The following SGCZ variants were observed in gnomAD, a reference collection of about 807,000 sequenced individuals.
The protein encoded by SGCZ is sarcoglycan zeta.
A neutral mutation model predicts 41.3 loss-of-function variants in SGCZ; 40 were observed. The observed-to-expected ratio is 0.97, with a 90% CI of 0.75 to 1.26. The LOEUF is 1.26. Among genes scored for constraint, SGCZ ranks in the 50% most tolerant of loss-of-function variants. SGCZ has a pLI of 0.00. For synonymous variants in SGCZ, 206 were observed against 137.5 expected, an observed-to-expected ratio of 1.50 and a Z score of -3.49; for missense variants, 552 against 369.8, an observed-to-expected ratio of 1.49 and a Z score of -4.04.
intron 2 of SGCZ, among the ~76,000 whole-genome samples, chr8:14,350,264 G>C (rs1803041281): frequency 6.6e-6 from 1 of 150,812 alleles, no homozygotes; most frequent in Non-Finnish European, 1.5e-5. Context: ...TTTTACCTAA[G>C]TATGCTTTTT....
At chr8:14,854,092 T>C (rs893228251) in intron 1 of SGCZ, among the ~76,000 whole-genome samples, 2 of 146,266 alleles carry the variant, frequency 1.4e-5, no homozygotes, top group East Asian at 4.0e-4. Flanking sequence ...ATATACTCTG[T>C]CTAAAGCTAC....
At chr8:14,660,772 A>T (rs1174303334) in intron 1 of SGCZ, among the ~76,000 whole-genome samples, 3 of 152,000 alleles carry the variant, frequency 2.0e-5, no homozygotes, top group African/African-American at 7.2e-5. Context: ...CAAAATAAAG[A>T]AGAAACTGGA....
intron 1 of SGCZ, among the ~76,000 whole-genome samples, chr8:15,199,808 T>C (rs1376073405): frequency 2.0e-5 from 3 of 152,288 alleles, no homozygotes; most frequent in East Asian, 3.9e-4. Context: ...ATGAAACCTA[T>C]ACTGTATTAA....
At chr8:15,078,041 C>T (rs1443507655) in intron 1 of SGCZ, among the ~76,000 whole-genome samples, 1 of 151,784 alleles carries the variant, frequency 6.6e-6, no homozygotes, top group East Asian at 1.9e-4. Flanking sequence ...GGGATAGAGC[C>T]ACCAGGAATT....
At chr8:14,415,098 A>G (rs1026406587) in intron 2 of SGCZ, among the ~76,000 whole-genome samples, 2 of 151,906 alleles carry the variant, frequency 1.3e-5, no homozygotes, top group Non-Finnish European at 2.9e-5. Context: ...CCCCTGAAGT[A>G]AAACTGTTCT....
chr8:15,193,274 G>C, intron 1 of SGCZ, among the ~76,000 whole-genome samples: 1 of 152,038 alleles, frequency 6.6e-6, no homozygotes, highest in East Asian at 1.9e-4. Flanking sequence ...AAAGTTGCTT[G>C]AATATATCAC....
intron 1 of SGCZ, among the ~76,000 whole-genome samples, chr8:14,788,208 G>A (rs539221130): frequency 6.6e-6 from 1 of 152,034 alleles, no homozygotes; most frequent in African/African-American, 2.4e-5. Context: ...ATCTGTCAAG[G>A]TCTCTAGAAT....
intron 4 of SGCZ, among the ~76,000 whole-genome samples, chr8:14,179,634 G>A (rs897202094): frequency 1.3e-5 from 2 of 152,150 alleles, no homozygotes; most frequent in African/African-American, 2.4e-5. Flanking sequence ...GTAAAAGACA[G>A]GAAATGGGAA....
At chr8:14,561,010 T>C (rs1180582546) in intron 1 of SGCZ, among the ~76,000 whole-genome samples, 3 of 152,154 alleles carry the variant, frequency 2.0e-5, no homozygotes, top group Admixed American at 2.0e-4. Flanking sequence ...TACGCTGCAG[T>C]AAGAAAAGGT....
At chr8:14,607,718 G>C (rs544861929) in intron 1 of SGCZ, among the ~76,000 whole-genome samples, 1 of 152,114 alleles carries the variant, frequency 6.6e-6, no homozygotes, top group Non-Finnish European at 1.5e-5. Flanking sequence ...ATCAAGAAAA[G>C]ATAAATATAA....
intron 4 of SGCZ, among the ~76,000 whole-genome samples, chr8:14,232,913 T>C (rs758675314): frequency 2.6e-5 from 4 of 152,070 alleles, no homozygotes; most frequent in Non-Finnish European, 4.4e-5. Context: ...AAGAATGACA[T>C]TCAGTTTTTT....
At chr8:14,726,285 C>CGT (rs1164387594) in intron 1 of SGCZ, among the ~76,000 whole-genome samples, 4 of 125,224 alleles carry the variant, frequency 3.2e-5, no homozygotes, top group Non-Finnish European at 5.2e-5. Context: ...AAATCATACG[C>CGT]GTGTGTGTGT....
chr8:14,756,264 C>T (rs904948192), intron 1 of SGCZ, among the ~76,000 whole-genome samples: 15 of 150,146 alleles, frequency 1.0e-4, no homozygotes, highest in African/African-American at 3.7e-4. Flanking sequence ...TGGCTCACCA[C>T]AATCTCCGCC....
At chr8:15,031,555 G>A (rs961039542) in intron 1 of SGCZ, among the ~76,000 whole-genome samples, 1 of 152,170 alleles carries the variant, frequency 6.6e-6, no homozygotes, top group South Asian at 2.1e-4. Context: ...CAACAACCCT[G>A]TGAGGTGGAA....
In SGCZ at chr8:14,781,127, T is replaced by G. The variant is rs1354106195; in HGVS notation, c.40-226201A>C. Among the ~76,000 whole-genome samples, 4 of 152,330 alleles carry G rather than the reference T, an allele frequency of 2.6e-5. No individual in the cohort carries two copies. The East Asian group carries it at 7.7e-4, about 29-fold the overall frequency. On this transcript the variant is annotated intron_variant, in intron 1 of 7. Coordinates refer to ENST00000382080, the MANE Select transcript of SGCZ (RefSeq NM_139167.4). ...TATTACCATCATATTACGTACTAAT[T>G]AGAAACATGGCTTATTGAATTTACT...
chr8:14,573,441 G>A (rs904095109), intron 1 of SGCZ, among the ~76,000 whole-genome samples: 5 of 151,942 alleles, frequency 3.3e-5, no homozygotes, highest in Non-Finnish European at 5.9e-5. Flanking sequence ...GCCCGCCTCG[G>A]CCTCCCAAAG....
intron 2 of SGCZ, among the ~76,000 whole-genome samples, chr8:14,380,172 T>C (rs932889158): frequency 2.6e-5 from 4 of 152,224 alleles, no homozygotes; most frequent in Admixed American, 6.5e-5. Context: ...ATGCAAGCTT[T>C]ATATAGTACT....
At chr8:14,474,170 T>TAAAC (rs1801293343) in intron 2 of SGCZ, among the ~76,000 whole-genome samples, 2 of 152,254 alleles carry the variant, frequency 1.3e-5, no homozygotes, top group African/African-American at 4.8e-5. Flanking sequence ...ATTCTCTAAA[T>TAAAC]AAACAAACCA....
At chr8:15,061,875 G>A (rs944413840) in intron 1 of SGCZ, among the ~76,000 whole-genome samples, 11 of 152,106 alleles carry the variant, frequency 7.2e-5, no homozygotes, top group Non-Finnish European at 7.4e-5. Flanking sequence ...AGTTAAAGCC[G>A]TAACAATGGA....
Sources: allele counts gnomAD v4.1 joint callset (sites outside exome capture counted in the v4.1 genomes callset), GRCh38; gene constraint gnomAD v4.1.1; transcripts MANE v1.5; gene names NCBI Gene and HGNC (gene_info 2026-07-23, HGNC 2026-07-21).